Variants in UBE2E2 observed in about 807,000 individuals in gnomAD.
UBE2E2 encodes ubiquitin conjugating enzyme E2 E2, also known as ubiquitin-conjugating enzyme E2 E2.
UBE2E2 carries 6 observed loss-of-function variants against 24.7 expected under a neutral mutation model. The observed-to-expected ratio is 0.24, with a 90% confidence interval of 0.13 to 0.48. UBE2E2 has a LOEUF of 0.48. UBE2E2 is among the 20% of genes least tolerant of loss of function. The pLI is 0.99. For synonymous variants in UBE2E2, 104 were observed against 83.6 expected (o/e 1.24, Z -1.33); for missense variants, 169 against 245.0 (o/e 0.69, Z 2.07).
At chr3:23,214,338 C>G (rs1291143721) in intron 2 of UBE2E2, among the ~76,000 whole-genome samples, 1 of 152,020 alleles carries the variant, frequency 6.6e-6, no homozygotes, top group Non-Finnish European at 1.5e-5. Flanking sequence ...ACTGTGGCCT[C>G]AAATTCCTGG....
intron 3 of UBE2E2, among the ~76,000 whole-genome samples, chr3:23,447,215 T>C (rs971664705): frequency 2.0e-5 from 3 of 152,332 alleles, no homozygotes; most frequent in African/African-American, 7.2e-5. Context: ...ATTACCTGTT[T>C]GTGCACTGCC....
At chr3:23,408,175 T>A (rs888147970) in intron 3 of UBE2E2, among the ~76,000 whole-genome samples, 1 of 152,190 alleles carries the variant, frequency 6.6e-6, no homozygotes, top group African/African-American at 2.4e-5. Flanking sequence ...TTACACAGGT[T>A]TTTTAGAAAA....
chr3:23,403,261 A>G (rs1205671903), intron 3 of UBE2E2, among the ~76,000 whole-genome samples: 1 of 152,252 alleles, frequency 6.6e-6, no homozygotes, highest in African/African-American at 2.4e-5. Flanking sequence ...CACTGCAGTG[A>G]CTGTCAAAAA....
At chr3:23,438,586 C>T (rs1698233395) in intron 3 of UBE2E2, among the ~76,000 whole-genome samples, 1 of 152,130 alleles carries the variant, frequency 6.6e-6, no homozygotes, top group Non-Finnish European at 1.5e-5. Flanking sequence ...AGTTTTATAG[C>T]ATTATGATAG....
At chr3:23,478,338 C>G (rs1699182754) in intron 3 of UBE2E2, among the ~76,000 whole-genome samples, 1 of 152,050 alleles carries the variant, frequency 6.6e-6, no homozygotes, top group South Asian at 2.1e-4. Flanking sequence ...AGGAGTGAAA[C>G]CAGGTTTTAC....
intron 5 of UBE2E2, among the ~76,000 whole-genome samples, chr3:23,550,450 A>G (rs1341411026): frequency 6.6e-6 from 1 of 152,220 alleles, no homozygotes. Context: ...ATAAGAGACA[A>G]CTTAAAATAT....
intron 5 of UBE2E2, among the ~76,000 whole-genome samples, chr3:23,540,387 CTTTT>C (rs542721637): frequency 0.017 from 2,218 of 133,922 alleles, 55 homozygotes; most frequent in African/African-American, 0.064. Flanking sequence ...GTTTGATGCC[CTTTT>C]GTTTGTTTGT....
At chr3:23,333,178 A>G (rs1695114026) in intron 3 of UBE2E2, among the ~76,000 whole-genome samples, 1 of 152,192 alleles carries the variant, frequency 6.6e-6, no homozygotes, top group Non-Finnish European at 1.5e-5. Context: ...ACTGTGTTCC[A>G]GGGGATCATG....
chr3:23,419,878 C>G (rs1347500714), intron 3 of UBE2E2, among the ~76,000 whole-genome samples: 1 of 152,176 alleles, frequency 6.6e-6, no homozygotes, highest in African/African-American at 2.4e-5. Context: ...TTTCCTCTCT[C>G]TTGCTCAGGT....
chr3:23,361,331 C>G (rs1457762882), intron 3 of UBE2E2, among the ~76,000 whole-genome samples: 2 of 152,112 alleles, frequency 1.3e-5, no homozygotes, highest in African/African-American at 4.8e-5. Context: ...TACTGGGTAT[C>G]TACCCAAAGG....
chr3:23,320,029 A>G (rs1329564773), intron 3 of UBE2E2, among the ~76,000 whole-genome samples: 2 of 152,134 alleles, frequency 1.3e-5, no homozygotes, highest in African/African-American at 2.4e-5. Context: ...GACTTGTCAC[A>G]CACCCACTGC....
chr3:23,339,037 G>T (rs1695298695), intron 3 of UBE2E2, among the ~76,000 whole-genome samples: 1 of 152,096 alleles, frequency 6.6e-6, no homozygotes, highest in Admixed American at 6.5e-5. Context: ...GGAGAAAATG[G>T]ACATCTTCTT....
chr3:23,521,895 AC>A (rs139469274), intron 4 of UBE2E2, among the ~76,000 whole-genome samples: 1 of 69,256 alleles, frequency 1.4e-5, no homozygotes, highest in Non-Finnish European at 3.0e-5. Context: ...TGTACCCCCC[AC>A]CCCCCCAGCA....
In UBE2E2 at chr3:23,469,208, A is replaced by G. The variant is rs545639242; in HGVS notation, c.228-30400A>G. Among the ~76,000 whole-genome samples, 70 of 152,306 alleles carry G rather than the reference A, an allele frequency of 4.6e-4. 1 individual carries two copies. The highest frequency in any genetic ancestry group is 1.6e-3 in the African/African-American group (68 of 41,580). Reference sequence around the variant, plus strand: ...TCTCATGGCAAAAAGAGAATAAGAAAGCTCTCCAAGTTTCCTTTCATCATA... The same window carrying G: ...TCTCATGGCAAAAAGAGAATAAGAAGGCTCTCCAAGTTTCCTTTCATCATA... On this transcript the variant is annotated intron_variant, in intron 3 of 5. Transcript: ENST00000396703.
At chr3:23,381,232 G>A (rs1018714795) in intron 3 of UBE2E2, among the ~76,000 whole-genome samples, 1 of 152,102 alleles carries the variant, frequency 6.6e-6, no homozygotes, top group Admixed American at 6.5e-5. Flanking sequence ...TAAAGTTAAG[G>A]TATAGATTAG....
At chr3:23,345,923 T>C (rs1695542765) in intron 3 of UBE2E2, among the ~76,000 whole-genome samples, 1 of 152,120 alleles carries the variant, frequency 6.6e-6, no homozygotes. Context: ...CACCACACTG[T>C]AGAGGAGGAA....
chr3:23,369,175 A>G (rs1468653212), intron 3 of UBE2E2, among the ~76,000 whole-genome samples: 1 of 152,152 alleles, frequency 6.6e-6, no homozygotes, highest in Non-Finnish European at 1.5e-5. Context: ...TGTATTGTTA[A>G]AATAAAAATC....
intron 5 of UBE2E2, among the ~76,000 whole-genome samples, chr3:23,554,335 A>C (rs1163600686): frequency 6.6e-6 from 1 of 152,102 alleles, no homozygotes; most frequent in East Asian, 1.9e-4. Context: ...ATTCCGGGGA[A>C]ACTGGATTGC....
chr3:23,204,893 G>T, intron 1 of UBE2E2: 1 of 449,910 alleles, frequency 2.2e-6, no homozygotes, highest in Non-Finnish European at 2.9e-6. Context: ...ATGAACACTT[G>T]GTTTTGCAGT....
Sources: allele counts gnomAD v4.1 joint callset (sites outside exome capture counted in the v4.1 genomes callset), GRCh38; gene constraint gnomAD v4.1.1; transcripts MANE v1.5; gene names NCBI Gene and HGNC (gene_info 2026-07-23, HGNC 2026-07-21).